Variants in RALGPS1 observed in about 807,000 individuals in gnomAD.
RALGPS1 encodes the protein Ral GEF with PH domain and SH3 binding motif 1, also known as ras-specific guanine nucleotide-releasing factor RalGPS1.
In RALGPS1, 19 loss-of-function variants were observed where a neutral mutation model predicts 78.8. The ratio of observed to expected loss-of-function variants is 0.24; its 90% CI spans 0.17 to 0.35. The LOEUF (loss-of-function observed/expected upper bound fraction) is 0.35, where lower values mean the gene tolerates loss of function less well. RALGPS1 is among the 10% of genes least tolerant of loss of function. The probability of loss-of-function intolerance (pLI) is 1.00; values close to 1 mark genes in which losing one functional copy is unlikely to be tolerated. For missense variants in RALGPS1, 454 were observed against 688.3 expected, an observed-to-expected ratio of 0.66 and a Z score of 3.81; for synonymous variants, 228 against 256.3, an observed-to-expected ratio of 0.89 and a Z score of 1.06.
chr9:127,106,158 C>T (rs1405276954), intron 8 of RALGPS1, among the ~76,000 whole-genome samples: 1 of 152,202 alleles, frequency 6.6e-6, no homozygotes, highest in Non-Finnish European at 1.5e-5. Context: ...ACCAGAGACA[C>T]TTAGGCCAGA....
intron 10 of RALGPS1, among the ~76,000 whole-genome samples, chr9:127,170,595 C>A (rs2059521506): frequency 6.6e-6 from 1 of 152,136 alleles, no homozygotes; most frequent in Admixed American, 6.5e-5. Context: ...AAATTATTCC[C>A]ACTTAGTTTC....
intron 7 of RALGPS1, among the ~76,000 whole-genome samples, chr9:127,065,446 G>A (rs2049604365): frequency 1.3e-5 from 2 of 151,942 alleles, no homozygotes; most frequent in South Asian, 4.2e-4. Flanking sequence ...ATCTTGCTAT[G>A]TTGCCCAGGC....
intron 8 of RALGPS1, among the ~76,000 whole-genome samples, chr9:127,151,483 G>A (rs928226901): frequency 5.3e-5 from 8 of 152,212 alleles, no homozygotes; most frequent in African/African-American, 1.9e-4. Flanking sequence ...CTCCCACAGG[G>A]AAGCAGGTGG....
At chr9:127,130,855 C>T (rs865878519) in intron 8 of RALGPS1, among the ~76,000 whole-genome samples, 1 of 152,218 alleles carries the variant, frequency 6.6e-6, no homozygotes, top group South Asian at 2.1e-4. Context: ...TCAACCTCTT[C>T]GTTATCTGCC....
intron 10 of RALGPS1, among the ~76,000 whole-genome samples, chr9:127,169,887 A>C (rs1386471991): frequency 2.0e-5 from 3 of 152,176 alleles, no homozygotes; most frequent in Admixed American, 6.5e-5. Context: ...AGGCTAAGCT[A>C]TGGTGTTCGG....
chr9:127,044,416 C>A (rs1052850133), intron 5 of RALGPS1, among the ~76,000 whole-genome samples: 2 of 151,996 alleles, frequency 1.3e-5, no homozygotes, highest in Non-Finnish European at 2.9e-5. Flanking sequence ...GCCACCATAC[C>A]TGGCTAATTT....
Position 126,989,662 on chromosome 9 carries a change from T to A in RALGPS1, c.216+11917T>A, listed in dbSNP as rs150013048. Among the ~76,000 whole-genome samples the A allele has an allele frequency of 2.2e-4, 34 of 152,302 alleles. No homozygotes were observed. The East Asian group carries it at 6.4e-3, about 28-fold the overall frequency. Reference sequence around the variant, plus strand: ...GTGGCCCTGGAGGGAACCTGCTAAGTTCCTCCTAAGTGTGTTTTAAGGAAA... The same window carrying A: ...GTGGCCCTGGAGGGAACCTGCTAAGATCCTCCTAAGTGTGTTTTAAGGAAA... On this transcript the variant is annotated intron_variant, in intron 4 of 18. Transcript: ENST00000259351.
chr9:127,065,345 C>A (rs1324396734), intron 7 of RALGPS1, among the ~76,000 whole-genome samples: 1 of 152,118 alleles, frequency 6.6e-6, no homozygotes, highest in Non-Finnish European at 1.5e-5. Flanking sequence ...GACTCCTGAC[C>A]TCATGATCTG....
chr9:126,982,864 C>T (rs113372860), intron 4 of RALGPS1, among the ~76,000 whole-genome samples: 1 of 146,386 alleles, frequency 6.8e-6, no homozygotes, highest in African/African-American at 2.5e-5. Flanking sequence ...CCTCCTTCTT[C>T]TTCTTCTTCC....
chr9:126,995,457 G>T (rs1465804939), intron 4 of RALGPS1, among the ~76,000 whole-genome samples: 1 of 152,114 alleles, frequency 6.6e-6, no homozygotes, highest in Non-Finnish European at 1.5e-5. Context: ...ATGGTAAAGG[G>T]ATCAATTCAA....
chr9:127,101,363 A>G (rs1375814918), intron 8 of RALGPS1, among the ~76,000 whole-genome samples: 1 of 152,160 alleles, frequency 6.6e-6, no homozygotes, highest in Non-Finnish European at 1.5e-5. Context: ...ATCACACCAC[A>G]TTAGGATTGT....
chr9:127,105,771 C>G (rs1222670097), intron 8 of RALGPS1, among the ~76,000 whole-genome samples: 2 of 152,152 alleles, frequency 1.3e-5, no homozygotes, highest in Non-Finnish European at 2.9e-5. Context: ...TGGACGGATC[C>G]CAGATGCATT....
At chr9:127,080,729 G>T (rs2051096237) in intron 8 of RALGPS1, among the ~76,000 whole-genome samples, 1 of 152,148 alleles carries the variant, frequency 6.6e-6, no homozygotes, top group Non-Finnish European at 1.5e-5. Context: ...ACTGTTTCTA[G>T]TTTTTCCCTT....
At chr9:126,999,378 G>A (rs191698707) in intron 4 of RALGPS1, among the ~76,000 whole-genome samples, 14 of 152,242 alleles carry the variant, frequency 9.2e-5, no homozygotes, top group Admixed American at 9.2e-4. Context: ...TCGTGGTGTT[G>A]TGCATTCTAT....
At chr9:127,114,632 C>T (rs1589562848) in intron 8 of RALGPS1, among the ~76,000 whole-genome samples, 1 of 152,362 alleles carries the variant, frequency 6.6e-6, no homozygotes, top group East Asian at 1.9e-4. Context: ...CACCCCCTCA[C>T]CACCCGTCCT....
chr9:126,962,485 A>T (rs1344845823), intron 2 of RALGPS1, 139 bp downstream of exon 2: 3 of 839,302 alleles, frequency 3.6e-6, no homozygotes, highest in Non-Finnish European at 5.7e-6. Flanking sequence ...GCCCCTGGCC[A>T]TGCCAGGCGT....
intron 8 of RALGPS1, among the ~76,000 whole-genome samples, chr9:127,139,288 T>C (rs1230767061): frequency 6.6e-6 from 1 of 152,230 alleles, no homozygotes; most frequent in African/African-American, 2.4e-5. Context: ...TCACTCTGAC[T>C]AGTGAGGCTT....
intron 11 of RALGPS1, among the ~76,000 whole-genome samples, chr9:127,192,800 C>T (rs777190783): frequency 6.6e-6 from 1 of 152,160 alleles, no homozygotes; most frequent in Non-Finnish European, 1.5e-5. Context: ...AAGGATCTCA[C>T]GGAAGAGGTG....
At chr9:127,099,612 G>A (rs891862467) in intron 8 of RALGPS1, among the ~76,000 whole-genome samples, 3 of 152,238 alleles carry the variant, frequency 2.0e-5, no homozygotes, top group Non-Finnish European at 2.9e-5. Context: ...TGGCTACAGT[G>A]AGAAGCAGTT....
Sources: gnomAD v4.1 joint callset for allele counts (sites outside exome capture counted in the v4.1 genomes callset) on GRCh38, gnomAD v4.1.1 for gene constraint, MANE v1.5 for transcripts, NCBI Gene and HGNC (gene_info 2026-07-23, HGNC 2026-07-21) for gene names.